Variants in TNN observed in about 807,000 individuals in gnomAD.
TNN encodes the protein tenascin N, also known as tenascin-N.
In TNN, 122 loss-of-function variants were observed where a neutral mutation model predicts 134.4. That is an observed-to-expected ratio of 0.91 (90% CI 0.78 to 1.06). The LOEUF (loss-of-function observed/expected upper bound fraction) is 1.06. Ranked by LOEUF, TNN falls within the 50% of genes least tolerant of loss-of-function variation. TNN has a pLI of 0.00. For missense variants in TNN, 1,739 were observed against 1,699.4 expected, an observed-to-expected ratio of 1.02 and a Z score of -0.41; for synonymous variants, 710 against 670.3, an observed-to-expected ratio of 1.06 and a Z score of -0.91.
chr1:175,080,495 A>G, intron 4 of TNN, 69 bp downstream of exon 4: 2 of 1,584,162 alleles, frequency 1.3e-6, no homozygotes, highest in Non-Finnish European at 1.7e-6. Flanking sequence ...CTTTCATTAA[A>G]CACCTGTAGG....
At chr1:175,120,635 C>CA (rs1285965139) in intron 11 of TNN, among the ~76,000 whole-genome samples, 1 of 152,172 alleles carries the variant, frequency 6.6e-6, no homozygotes, top group Non-Finnish European at 1.5e-5. Flanking sequence ...TTGCACATAT[C>CA]AGCCCTTCTC....
intron 9 of TNN, among the ~76,000 whole-genome samples, chr1:175,102,598 CG>C (rs1433116360): frequency 1.4e-5 from 2 of 145,920 alleles, no homozygotes; most frequent in East Asian, 2.3e-4. Context: ...GCTCTGAGTG[CG>C]GGGCCCTCCA....
intron 11 of TNN, 68 bp downstream of exon 11, chr1:175,118,892 T>C: frequency 1.9e-6 from 3 of 1,584,762 alleles, no homozygotes; most frequent in Non-Finnish European, 8.6e-7. Flanking sequence ...AGCTGAGTGA[T>C]GATGCAGCTG....
At chr1:175,100,196 C>T (rs968752402) in intron 9 of TNN, among the ~76,000 whole-genome samples, 39 of 152,206 alleles carry the variant, frequency 2.6e-4, no homozygotes, top group Non-Finnish European at 4.4e-4. Flanking sequence ...GGCACTATTG[C>T]TATCTTGGGG....
intron 17 of TNN, among the ~76,000 whole-genome samples, chr1:175,138,834 A>T (rs1036762667): frequency 1.1e-4 from 16 of 152,332 alleles, no homozygotes; most frequent in Admixed American, 9.8e-4. Flanking sequence ...ACAAATCTAG[A>T]TGGCAGAGCC....
In TNN at chr1:175,128,171, T is replaced by C; in HGVS notation, c.3178+7T>C. On this transcript the variant is annotated splice_region_variant and intron_variant, in intron 14 of 18. Coordinates refer to ENST00000239462, the MANE Select transcript of TNN (RefSeq NM_022093.2). The stretch of plus-strand genomic sequence containing the variant: ...TCCACCACCCTCTCCACAGGTAATA[T>C]GGAATCCTGTACTCTGAACGACCGT... The C allele has an allele frequency of 1.3e-6, 2 of 1,594,694 alleles. No individual in the cohort carries two copies. Among genetic ancestry groups the C allele is most frequent in the African/African-American group, 1.3e-5 (1 of 74,286 alleles).
intron 15 of TNN, among the ~76,000 whole-genome samples, chr1:175,130,785 C>G (rs1306875011): frequency 6.6e-6 from 1 of 152,306 alleles, no homozygotes; most frequent in East Asian, 1.9e-4. Context: ...CCCCAAGGAG[C>G]TTGCCATTTA....
In TNN at chr1:175,080,246, C is replaced by T. The variant is rs1321573587; in HGVS notation, c.868C>T (p.His290Tyr). The T allele has an allele frequency of 1.2e-6, 2 of 1,614,134 alleles. No homozygotes were observed. Among genetic ancestry groups the T allele is most frequent in the South Asian group, 2.2e-5 (2 of 91,084 alleles). The stretch of plus-strand genomic sequence containing the variant: ...CTGGGAGCCCTCCAGCCAGGTGGAT[C>T]ACTACCTCCTCAGCTACTACCCCCT... Reference protein sequence around the residue: ...VSWEPSSQVDHYLLSYYPLGK... With the variant: ...VSWEPSSQVDYYLLSYYPLGK... Residue 290 changes from histidine to tyrosine, a missense_variant, in exon 4 of 19, where the codon CAC becomes TAC. Transcript: ENST00000239462.
Position 175,134,783 on chromosome 1 carries a change from G to A in TNN, c.3331-1062G>A, listed in dbSNP as rs182038787. 6.4e-4 allele frequency among the ~76,000 whole-genome samples: 97 copies of A among 152,036 alleles called. 1 individual carries two copies. The highest frequency in any genetic ancestry group is 1.9e-4 in the Non-Finnish European group (13 of 67,986). On this transcript the variant is annotated intron_variant, in intron 15 of 18. Transcript: ENST00000239462. ...TATTCTCAGGGCATTCCTCATCCAA[G>A]CTACTGTCCCCCTTCATCTGCACTC...
chr1:175,130,844 A>C (rs902168861), intron 15 of TNN, among the ~76,000 whole-genome samples: 1 of 152,126 alleles, frequency 6.6e-6, no homozygotes, highest in East Asian at 1.9e-4. Context: ...GATCGGTTCC[A>C]AAAATAATAA....
chr1:175,128,393 A>T (rs887617277), intron 14 of TNN, among the ~76,000 whole-genome samples: 1 of 152,126 alleles, frequency 6.6e-6, no homozygotes, highest in Non-Finnish European at 1.5e-5. Context: ...TTGGGGGAGG[A>T]AGTGATGTGA....
At chr1:175,074,697 T>C (rs1342360848) in intron 1 of TNN, among the ~76,000 whole-genome samples, 4 of 151,646 alleles carry the variant, frequency 2.6e-5, no homozygotes, top group Admixed American at 6.6e-5. Flanking sequence ...CATGAAGGAG[T>C]GGGAGGGCAA....
intron 9 of TNN, among the ~76,000 whole-genome samples, chr1:175,099,206 T>C (rs937938674): frequency 1.3e-5 from 2 of 152,222 alleles, no homozygotes; most frequent in African/African-American, 4.8e-5. Context: ...GCAGGGGACA[T>C]GCACAATTTC....
intron 6 of TNN, among the ~76,000 whole-genome samples, chr1:175,088,295 C>T (rs1396781170): frequency 6.6e-6 from 1 of 152,164 alleles, no homozygotes; most frequent in African/African-American, 2.4e-5. Flanking sequence ...CACCCCTCAA[C>T]CCCTTACAGC....
chr1:175,135,636 A>C (rs1041807778), intron 15 of TNN, among the ~76,000 whole-genome samples: 1 of 152,206 alleles, frequency 6.6e-6, no homozygotes, highest in Non-Finnish European at 1.5e-5. Flanking sequence ...TTTGCTCTAC[A>C]TGTCTTAGTA....
intron 7 of TNN, among the ~76,000 whole-genome samples, chr1:175,094,947 A>G (rs1201827815): frequency 6.6e-6 from 1 of 152,224 alleles, no homozygotes; most frequent in African/African-American, 2.4e-5. Flanking sequence ...CTGGACAGTT[A>G]CTGAGTATAG....
At chr1:175,081,632 G>A (rs934306946) in intron 4 of TNN, among the ~76,000 whole-genome samples, 14 of 152,186 alleles carry the variant, frequency 9.2e-5, no homozygotes, top group African/African-American at 3.4e-4. Context: ...GTCACCATAT[G>A]TGATTACCTT....
At position 175,105,012 on chromosome 1, in the gene TNN, G is replaced by A. The variant is rs144381795; in HGVS notation, c.2119+6417G>A. Among the ~76,000 whole-genome samples, 1,088 of 145,914 alleles carry A rather than the reference G, an allele frequency of 7.5e-3. 95 individuals carry two copies. Among genetic ancestry groups the A allele is most frequent in the African/African-American group, 0.023 (933 of 40,576 alleles). Reference sequence around the variant, plus strand: ...AAGTCCCAGTGGGGATCCATACTGGGGATGGCTTGCTGACCAGTAGGGAAG... The same window carrying A: ...AAGTCCCAGTGGGGATCCATACTGGAGATGGCTTGCTGACCAGTAGGGAAG... On this transcript the variant is annotated intron_variant, in intron 9 of 18. Coordinates refer to ENST00000239462, the MANE Select transcript of TNN (RefSeq NM_022093.2).
At position 175,097,352 on chromosome 1, in the gene TNN, C is replaced by T. The variant is rs563966636; in HGVS notation, c.1589-65C>T. The T allele has an allele frequency of 2.7e-5, 43 of 1,584,314 alleles. 1 individual carries two copies. In the East Asian group the frequency reaches 6.5e-4, roughly 24 times the overall value. On this transcript the variant is annotated intron_variant, in intron 7 of 18. Coordinates refer to ENST00000239462, the MANE Select transcript of TNN (RefSeq NM_022093.2). ...TTGAGGTTATCACTTTGACTGTGTT[C>T]GTGCTGTCTTTATGGAATTAGAGGG...
Sources: gnomAD v4.1 joint callset for allele counts (sites outside exome capture counted in the v4.1 genomes callset) on GRCh38, gnomAD v4.1.1 for gene constraint, MANE v1.5 for transcripts, NCBI Gene and HGNC (gene_info 2026-07-23, HGNC 2026-07-21) for gene names.